RSF1: variants seen among roughly 807,000 people sequenced by gnomAD.
RSF1 encodes remodeling and spacing factor 1.
A neutral mutation model predicts 145.2 loss-of-function variants in RSF1; 13 were observed. That is an observed-to-expected ratio of 0.09 (90% confidence interval 0.06 to 0.14). The LOEUF is 0.14. Among genes scored for constraint, RSF1 ranks in the 10% least tolerant of loss-of-function variants. The pLI is 1.00. For missense variants in RSF1, 1,517 were observed against 1,718.2 expected, an observed-to-expected ratio of 0.88 and a Z score of 2.07; for synonymous variants, 577 against 592.6, an observed-to-expected ratio of 0.97 and a Z score of 0.38.
At chr11:77,741,932 T>C (rs1489845384) in intron 3 of RSF1, among the ~76,000 whole-genome samples, 2 of 152,176 alleles carry the variant, frequency 1.3e-5, no homozygotes, top group Admixed American at 6.5e-5. Flanking sequence ...TTAAGTAATA[T>C]CATGGGGTAT....
intron 2 of RSF1, among the ~76,000 whole-genome samples, chr11:77,760,570 A>C (rs1948161011): frequency 1.3e-5 from 2 of 152,224 alleles, no homozygotes; most frequent in Non-Finnish European, 1.5e-5. Flanking sequence ...TGTGAATTAT[A>C]TCTCAATAAA....
chr11:77,681,336 A>G (rs1161500782), intron 11 of RSF1, among the ~76,000 whole-genome samples: 1 of 152,230 alleles, frequency 6.6e-6, no homozygotes, highest in African/African-American at 2.4e-5. Flanking sequence ...TAGTTCCAAA[A>G]TGACTGACAT....
intron 3 of RSF1, among the ~76,000 whole-genome samples, chr11:77,745,908 T>C (rs1256564908): frequency 6.6e-6 from 1 of 151,908 alleles, no homozygotes; most frequent in Non-Finnish European, 1.5e-5. Flanking sequence ...CTAAAAAAAT[T>C]TGTAACACAC....
At chr11:77,766,196 G>A (rs1430238189) in intron 1 of RSF1, among the ~76,000 whole-genome samples, 6 of 151,686 alleles carry the variant, frequency 4.0e-5, no homozygotes, top group Non-Finnish European at 2.9e-5. Flanking sequence ...CTTATCATTC[G>A]CCCTTATGTG....
chr11:77,766,498 T>C (rs1948227639), intron 1 of RSF1, among the ~76,000 whole-genome samples: 1 of 151,444 alleles, frequency 6.6e-6, no homozygotes, highest in African/African-American at 2.4e-5. Context: ...GCAGGTAGAG[T>C]GGTGGGTTGG....
intron 4 of RSF1, among the ~76,000 whole-genome samples, chr11:77,730,568 G>A (rs1393911558): frequency 1.3e-5 from 2 of 152,110 alleles, no homozygotes; most frequent in Non-Finnish European, 2.9e-5. Context: ...AAGAATCACA[G>A]TTTTTATTAT....
chr11:77,676,887 A>G lies in RSF1; in HGVS notation c.3246T>C (p.Ala1082=), dbSNP rs1292607336. 2.5e-6 allele frequency: 4 copies of G among 1,614,010 alleles called. No individual in the cohort carries two copies. The highest frequency in any genetic ancestry group is 2.7e-5 in the African/African-American group (2 of 74,918). Residue 1082 remains alanine (A), a synonymous_variant, in exon 13 of 16, where the codon GCT becomes GCC. Transcript: ENST00000308488. The stretch of plus-strand genomic sequence containing the variant: ...ATCGCCGGCGTTTCTTCCTTCGAGC[A>G]GCAGCTGCCCTCTGGGGTCGTTTAT... ...KENKRPQRAA[A]ARRKKRRRLN...
chr11:77,689,087 A>T (rs536454650), intron 9 of RSF1, among the ~76,000 whole-genome samples: 20 of 152,348 alleles, frequency 1.3e-4, no homozygotes, highest in Admixed American at 1.2e-3. Flanking sequence ...GATAATGCTT[A>T]GATTTCCTCA....
chr11:77,825,060 A>G (rs1434581072), upstream of RSF1, among the ~76,000 whole-genome samples: 4 of 152,148 alleles, frequency 2.6e-5, no homozygotes, highest in Non-Finnish European at 5.9e-5. Flanking sequence ...AGCTCACTGC[A>G]TGCTCCGACT....
intron 5 of RSF1, among the ~76,000 whole-genome samples, chr11:77,720,158 G>A (rs1253793392): frequency 1.3e-5 from 2 of 152,104 alleles, no homozygotes; most frequent in African/African-American, 4.8e-5. Context: ...AAATAAACAC[G>A]TTTTTGGGCC....
At chr11:77,700,631 T>G in intron 6 of RSF1, 90 bp downstream of exon 6, 1 of 879,434 alleles carries the variant, frequency 1.1e-6, no homozygotes, top group Non-Finnish European at 1.7e-6. Flanking sequence ...CTTTGTCAGT[T>G]GTCTTTGATG....
At chr11:77,681,896 A>C (rs1959871673) in intron 11 of RSF1, among the ~76,000 whole-genome samples, 2 of 152,198 alleles carry the variant, frequency 1.3e-5, no homozygotes, top group Admixed American at 1.3e-4. Flanking sequence ...TTACTTATTT[A>C]ACATATGTCA....
chr11:77,734,364 G>A (rs927133226), intron 4 of RSF1: 6 of 733,130 alleles, frequency 8.2e-6, no homozygotes, highest in South Asian at 1.6e-5. Flanking sequence ...AAAGAACTTA[G>A]GTGGATGTTT....
At chr11:77,694,009 TC>T (rs1452947926) in intron 7 of RSF1, among the ~76,000 whole-genome samples, 1 of 152,042 alleles carries the variant, frequency 6.6e-6, no homozygotes, top group Non-Finnish European at 1.5e-5. Context: ...GGTCTTGATC[TC>T]CTGACCTTGT....
chr11:77,690,088 G>T (rs573353955), intron 9 of RSF1, among the ~76,000 whole-genome samples: 1 of 151,530 alleles, frequency 6.6e-6, no homozygotes, highest in African/African-American at 2.4e-5. Context: ...CTTGAACCTG[G>T]GAGATGGAGG....
At chr11:77,824,512 A>G (rs1949078696), upstream of RSF1, among the ~76,000 whole-genome samples, 1 of 152,248 alleles carries the variant, frequency 6.6e-6, no homozygotes, top group African/African-American at 2.4e-5. Context: ...ATATTCATCA[A>G]CAGAAAAATA....
intron 3 of RSF1, among the ~76,000 whole-genome samples, chr11:77,746,689 C>T (rs745514367): frequency 2.6e-5 from 4 of 152,096 alleles, no homozygotes; most frequent in Non-Finnish European, 4.4e-5. Flanking sequence ...TCCTAGTCAT[C>T]CAGAAAACAG....
rs1173628611 is a variant in RSF1 at position 77,667,453 on chromosome 11, C to T, written c.3790G>A (p.Ala1264Thr). 2 of 1,612,860 alleles carry T rather than the reference C, an allele frequency of 1.2e-6. No individual in the cohort carries two copies. Among genetic ancestry groups the T allele is most frequent in the Admixed American group, 1.7e-5 (1 of 60,018 alleles). ...CGAACTGACCGCTTTGATTCTTTAGCTAGCTCATCATCTTCAGAGTTCTTG... is the reference window on the plus strand; with the variant it reads ...CGAACTGACCGCTTTGATTCTTTAGTTAGCTCATCATCTTCAGAGTTCTTG... ...LSKNSEDDEL[A>T]KESKRSVRKR... is the part of the protein sequence containing the mutation. Residue 1264 changes from alanine to threonine, a missense_variant, in exon 16 of 16, where the codon GCT becomes ACT. Ala to Thr is a moderately conservative substitution (Grantham distance 58, BLOSUM62 0). Transcript: ENST00000308488.
At chr11:77,763,797 C>T (rs1029004317) in intron 2 of RSF1, 4 of 152,032 alleles carry the variant, frequency 2.6e-5, no homozygotes, top group Non-Finnish European at 5.9e-5. Context: ...GCAGAAGATA[C>T]CATATATGCA....
Sources: gnomAD v4.1 joint callset for allele counts (sites outside exome capture counted in the v4.1 genomes callset) on GRCh38, gnomAD v4.1.1 for gene constraint, MANE v1.5 for transcripts, NCBI Gene and HGNC (gene_info 2026-07-23, HGNC 2026-07-21) for gene names.